CEP128: variants seen among roughly 807,000 people sequenced by gnomAD.
The protein encoded by CEP128 is centrosomal protein 128kDa.
In CEP128, 132 loss-of-function variants were observed where a neutral mutation model predicts 156.7. The observed-to-expected ratio is 0.84, with a 90% confidence interval of 0.73 to 0.97. The LOEUF (loss-of-function observed/expected upper bound fraction) is 0.97, where lower values mean the gene tolerates loss of function less well. CEP128 is among the 50% of genes least tolerant of loss of function. The pLI is 0.00. For synonymous variants in CEP128, 469 were observed against 448.9 expected, an observed-to-expected ratio of 1.04 and a Z score of -0.57; for missense variants, 1,252 against 1,281.9, an observed-to-expected ratio of 0.98 and a Z score of 0.36.
At chr14:80,876,239 T>C (rs2139288033) in intron 8 of CEP128, among the ~76,000 whole-genome samples, 1 of 150,138 alleles carries the variant, frequency 6.7e-6, no homozygotes, top group South Asian at 2.1e-4. Context: ...AAACTATAAA[T>C]AAAAACAAAG....
chr14:80,851,777 G>A (rs1886902281), intron 9 of CEP128, among the ~76,000 whole-genome samples: 2 of 151,758 alleles, frequency 1.3e-5, no homozygotes, highest in Admixed American at 6.6e-5. Flanking sequence ...TGTTTTGTAA[G>A]AAACATGGAA....
At chr14:80,859,614 C>T (rs1472588052) in intron 9 of CEP128, among the ~76,000 whole-genome samples, 1 of 152,012 alleles carries the variant, frequency 6.6e-6, no homozygotes, top group Non-Finnish European at 1.5e-5. Context: ...TTCAATAGCA[C>T]ATGAGTAGCT....
chr14:80,754,459 CTTTT>C (rs758603562), intron 18 of CEP128, among the ~76,000 whole-genome samples: 1 of 104,804 alleles, frequency 9.5e-6, no homozygotes, highest in African/African-American at 3.9e-5. Flanking sequence ...ATGTCCTGTT[CTTTT>C]TTTTTTTTTT....
intron 20 of CEP128, among the ~76,000 whole-genome samples, chr14:80,571,488 T>A (rs1382942393): frequency 1.3e-5 from 2 of 152,068 alleles, no homozygotes; most frequent in African/African-American, 4.8e-5. Context: ...ACAAATTAAA[T>A]CTAGAATAGT....
intron 19 of CEP128, among the ~76,000 whole-genome samples, chr14:80,637,761 C>A (rs1894246719): frequency 6.6e-6 from 1 of 152,100 alleles, no homozygotes; most frequent in South Asian, 2.1e-4. Flanking sequence ...ATGAGGTTAT[C>A]CTGGATTATC....
rs148052218 is a variant in CEP128, at chr14:80,913,421, T to G, written c.234+901A>C. Among the ~76,000 whole-genome samples the G allele has an allele frequency of 2.0e-3, 309 of 152,352 alleles. 2 individuals are homozygous for G. Among genetic ancestry groups the G allele is most frequent in the Middle Eastern group, 0.014 (4 of 294 alleles). ...TGTATAACATTATATTTAATATGAT[T>G]CCATTTTTAAAGCAAATCGCACATA... On this transcript the variant is annotated intron_variant, in intron 4 of 24. Coordinates refer to ENST00000555265, the MANE Select transcript of CEP128 (RefSeq NM_152446.5).
At chr14:80,717,951 A>G (rs1476273679) in intron 19 of CEP128, among the ~76,000 whole-genome samples, 2 of 152,118 alleles carry the variant, frequency 1.3e-5, no homozygotes, top group Non-Finnish European at 2.9e-5. Context: ...AGTAGCTCTG[A>G]CTATAGGCAT....
At chr14:80,804,246 TA>T (rs1307827641) in intron 13 of CEP128, among the ~76,000 whole-genome samples, 2 of 152,160 alleles carry the variant, frequency 1.3e-5, no homozygotes, top group Non-Finnish European at 2.9e-5. Flanking sequence ...ATTTCTTATA[TA>T]AAAACACACA....
At chr14:80,711,343 C>CTG (rs138055670) in intron 19 of CEP128, among the ~76,000 whole-genome samples, 11 of 134,936 alleles carry the variant, frequency 8.2e-5, no homozygotes, top group African/African-American at 1.4e-4. Context: ...GTCTATATGT[C>CTG]TGTGTGTGTG....
At chr14:80,935,902 T>TA (rs1885780041) in intron 2 of CEP128, among the ~76,000 whole-genome samples, 1 of 152,132 alleles carries the variant, frequency 6.6e-6, no homozygotes, top group African/African-American at 2.4e-5. Flanking sequence ...CTGTAATCAA[T>TA]ATGACAGGTA....
chr14:80,522,602 T>A (rs1467441218), intron 23 of CEP128, among the ~76,000 whole-genome samples: 1 of 152,216 alleles, frequency 6.6e-6, no homozygotes, highest in Non-Finnish European at 1.5e-5. Context: ...ACTAAAAAAT[T>A]CCAATGTTAA....
chr14:80,928,494 C>G (rs1163518268), intron 2 of CEP128, among the ~76,000 whole-genome samples: 1 of 151,988 alleles, frequency 6.6e-6, no homozygotes, highest in Non-Finnish European at 1.5e-5. Flanking sequence ...TAGGGAACTA[C>G]AAAATGCAGC....
intron 21 of CEP128, among the ~76,000 whole-genome samples, chr14:80,546,506 A>C (rs892431222): frequency 6.6e-6 from 1 of 152,206 alleles, no homozygotes; most frequent in African/African-American, 2.4e-5. Flanking sequence ...TCACAGAAAA[A>C]TGAGGTTTGA....
chr14:80,945,259 G>A (rs998918452), upstream of CEP128, among the ~76,000 whole-genome samples: 2 of 152,032 alleles, frequency 1.3e-5, no homozygotes, highest in Non-Finnish European at 2.9e-5. Context: ...TTCTTGTAAC[G>A]ACACCCGTTA....
At chr14:80,506,968 G>A (rs375059816) in intron 23 of CEP128, among the ~76,000 whole-genome samples, 10 of 151,952 alleles carry the variant, frequency 6.6e-5, no homozygotes, top group South Asian at 2.1e-4. Flanking sequence ...GCTTGGTGCC[G>A]TCCTTGCAAT....
chr14:80,793,176 T>A, intron 13 of CEP128, 66 bp from the exon 14 acceptor site: 1 of 1,218,564 alleles, frequency 8.2e-7, no homozygotes, highest in Non-Finnish European at 1.2e-6. Flanking sequence ...TAGCATATCA[T>A]CAAACAAGAA....
intron 2 of CEP128, among the ~76,000 whole-genome samples, chr14:80,957,024 G>T (rs1475954708): frequency 6.6e-6 from 1 of 152,120 alleles, no homozygotes; most frequent in Admixed American, 6.5e-5. Flanking sequence ...GATCTTTCAA[G>T]ACCTAGTCAA....
intron 4 of CEP128, 131 bp from the exon 5 acceptor site, chr14:80,906,212 T>A: frequency 1.7e-6 from 1 of 604,396 alleles, no homozygotes; most frequent in Non-Finnish European, 2.7e-6. Flanking sequence ...CAGAAAATTT[T>A]AAACTAAGTT....
chr14:80,641,503 T>C (rs17611676), intron 19 of CEP128, among the ~76,000 whole-genome samples: 4,756 of 152,298 alleles, frequency 0.031, 105 homozygotes, highest in Middle Eastern at 0.082. Context: ...CTATCAAAGG[T>C]GCAGAACCTG....
Sources: allele counts gnomAD v4.1 joint callset (sites outside exome capture counted in the v4.1 genomes callset), GRCh38; gene constraint gnomAD v4.1.1; transcripts MANE v1.5; gene names NCBI Gene and HGNC (gene_info 2026-07-23, HGNC 2026-07-21).